The following FNBP1 variants were observed in gnomAD, a reference collection of about 807,000 sequenced individuals.
FNBP1 encodes the protein formin binding protein 1.
FNBP1 carries 26 observed loss-of-function variants against 90.6 expected under a neutral mutation model. The ratio of observed to expected loss-of-function variants is 0.29; its 90% CI spans 0.21 to 0.40. FNBP1 has a LOEUF of 0.40. FNBP1 is among the 10% of genes least tolerant of loss of function. The pLI is 1.00. For missense variants in FNBP1, 635 were observed against 768.0 expected (o/e 0.83, Z 2.05); for synonymous variants, 260 against 265.2 (o/e 0.98, Z 0.19).
chr9:129,947,256 C>T (rs146082073), intron 6 of FNBP1, among the ~76,000 whole-genome samples: 1,542 of 152,054 alleles, frequency 0.01, 16 homozygotes, highest in South Asian at 0.04. Context: ...GTCTGACCAA[C>T]ATGGTGAAAT....
chr9:129,982,297 C>T (rs2051385384), intron 2 of FNBP1, among the ~76,000 whole-genome samples: 1 of 152,100 alleles, frequency 6.6e-6, no homozygotes, highest in Admixed American at 6.5e-5. Flanking sequence ...ATGGTGAAAT[C>T]CTGTCTCTAC....
At chr9:130,022,271 C>T (rs886816353) in intron 1 of FNBP1, among the ~76,000 whole-genome samples, 1 of 151,780 alleles carries the variant, frequency 6.6e-6, no homozygotes, top group Non-Finnish European at 1.5e-5. Flanking sequence ...GTGGCGCGAT[C>T]TCAGCTCACT....
chr9:129,929,474 G>A, intron 7 of FNBP1, 93 bp downstream of exon 7: 4 of 1,003,790 alleles, frequency 4.0e-6, no homozygotes, highest in South Asian at 1.6e-5. Flanking sequence ...CTCAGACTCA[G>A]AATACAAACC....
intron 1 of FNBP1, among the ~76,000 whole-genome samples, chr9:129,998,117 A>G (rs1347582848): frequency 6.8e-6 from 1 of 147,700 alleles, no homozygotes; most frequent in South Asian, 2.1e-4. Flanking sequence ...AATCCACTGA[A>G]CTCAGGAGAC....
In FNBP1 at chr9:129,890,345, C is replaced by T. The variant is rs1255047131; in HGVS notation, c.*194G>A. On this transcript the variant is annotated 3_prime_UTR_variant, in exon 17 of 17. Transcript: ENST00000446176. The surrounding 1 kb of genome is among the most constrained non-coding windows in gnomAD (Gnocchi z 5.8). ...GGGGTGGGCGCTGGCGAGACTTGTCCCCCACGAGGTGGCCCGGGCTGGGCG... is the reference window on the plus strand; with the variant it reads ...GGGGTGGGCGCTGGCGAGACTTGTCTCCCACGAGGTGGCCCGGGCTGGGCG... 3.3e-6 allele frequency: 2 copies of T among 603,782 alleles called. No individual in the cohort carries two copies. The highest frequency in any genetic ancestry group is 5.9e-6 in the Non-Finnish European group (2 of 338,512). 37.4% of individuals were successfully genotyped at this position (603,782 alleles called of 1,614,324 possible).
At chr9:129,898,821 C>T (rs1160105973) in intron 15 of FNBP1, among the ~76,000 whole-genome samples, 1 of 151,998 alleles carries the variant, frequency 6.6e-6, no homozygotes, top group Non-Finnish European at 1.5e-5. Flanking sequence ...TGCCTGATTT[C>T]CCTCTGGGCA....
chr9:129,938,412 A>G (rs1008162034), intron 6 of FNBP1, among the ~76,000 whole-genome samples: 2 of 152,180 alleles, frequency 1.3e-5, no homozygotes, highest in African/African-American at 4.8e-5. Context: ...CTTCCAGGCC[A>G]GGAGCTTGCC....
At chr9:130,019,411 T>C (rs539980356) in intron 1 of FNBP1, among the ~76,000 whole-genome samples, 5 of 152,284 alleles carry the variant, frequency 3.3e-5, no homozygotes, top group African/African-American at 1.2e-4. Flanking sequence ...TTGCATAGGT[T>C]TCATAAAAAG....
chr9:130,039,874 T>C (rs1254889493), intron 1 of FNBP1, among the ~76,000 whole-genome samples: 1 of 152,146 alleles, frequency 6.6e-6, no homozygotes, highest in Non-Finnish European at 1.5e-5. Flanking sequence ...CTAAAATGTA[T>C]GTAAAATCTG....
At chr9:130,036,586 C>T (rs1157671318) in intron 1 of FNBP1, among the ~76,000 whole-genome samples, 1 of 152,130 alleles carries the variant, frequency 6.6e-6, no homozygotes, top group Admixed American at 6.6e-5. Context: ...ACAGAAAAGA[C>T]ATGTGCAAAA....
chr9:129,992,787 C>T (rs140853595), intron 2 of FNBP1, among the ~76,000 whole-genome samples: 9,785 of 149,874 alleles, frequency 0.065, 424 homozygotes, highest in Admixed American at 0.12. Flanking sequence ...CTCCTGACCT[C>T]GTGATCCACC....
chr9:129,933,658 T>C (rs2043062798), intron 6 of FNBP1: 1 of 152,230 alleles, frequency 6.6e-6, no homozygotes, highest in African/African-American at 2.4e-5. Flanking sequence ...CTGCCTTTTA[T>C]GTTAAAGGAA....
intron 1 of FNBP1, among the ~76,000 whole-genome samples, chr9:130,011,094 T>C (rs1020733322): frequency 1.1e-4 from 17 of 150,528 alleles, no homozygotes; most frequent in Non-Finnish European, 1.6e-4. Context: ...CAGGCACCTG[T>C]AGTCCCAGCT....
At chr9:130,014,116 A>G in intron 1 of FNBP1, 1 of 454,744 alleles carries the variant, frequency 2.2e-6, no homozygotes, top group Non-Finnish European at 4.4e-6. Flanking sequence ...GAAACTGTAA[A>G]AATAACAGAA....
intron 12 of FNBP1, among the ~76,000 whole-genome samples, chr9:129,906,119 G>A (rs1299532738): frequency 6.6e-6 from 1 of 152,030 alleles, no homozygotes; most frequent in Non-Finnish European, 1.5e-5. Context: ...CCGACCTCAG[G>A]TGATCTGCCT....
At chr9:129,904,717 C>A (rs1218366190) in intron 12 of FNBP1, among the ~76,000 whole-genome samples, 2 of 151,948 alleles carry the variant, frequency 1.3e-5, no homozygotes, top group African/African-American at 4.8e-5. Context: ...TCCTTATTTC[C>A]TTCCTGCCTT....
intron 1 of FNBP1, among the ~76,000 whole-genome samples, chr9:130,011,374 T>C (rs1267191596): frequency 6.6e-6 from 1 of 150,496 alleles, no homozygotes; most frequent in Non-Finnish European, 1.5e-5. Context: ...AGTATAAAAC[T>C]TTATTAAAAT....
chr9:129,921,802 T>G (rs759783116), intron 10 of FNBP1, among the ~76,000 whole-genome samples: 12 of 152,202 alleles, frequency 7.9e-5, no homozygotes, highest in Admixed American at 2.0e-4. Context: ...CAGCTGTTGA[T>G]TCCAAGTCTA....
chr9:129,964,584 G>A (rs1181674332), intron 4 of FNBP1, among the ~76,000 whole-genome samples: 3 of 150,156 alleles, frequency 2.0e-5, no homozygotes, highest in African/African-American at 7.4e-5. Context: ...AGTGAACAGA[G>A]GTGGCTGAGA....
Sources: gnomAD v4.1 joint callset for allele counts (sites outside exome capture counted in the v4.1 genomes callset) on GRCh38, gnomAD v4.1.1 for gene constraint, Gnocchi (gnomAD v3.1) non-coding constraint, MANE v1.5 for transcripts, NCBI Gene and HGNC (gene_info 2026-07-23, HGNC 2026-07-21) for gene names.